TMEM131L: variants seen among roughly 807,000 people sequenced by gnomAD.
The protein encoded by TMEM131L is transmembrane protein 131-like.
Under a neutral mutation model 192.2 loss-of-function variants are expected in TMEM131L, and 54 were observed. That is an observed-to-expected ratio of 0.28 (90% CI 0.23 to 0.35). The LOEUF is 0.35. TMEM131L is among the 10% of genes least tolerant of loss of function. TMEM131L has a pLI of 1.00. For missense variants in TMEM131L, 1,888 were observed against 1,972.9 expected, an observed-to-expected ratio of 0.96 and a Z score of 0.82; for synonymous variants, 701 against 704.9, an observed-to-expected ratio of 0.99 and a Z score of 0.09.
intron 3 of TMEM131L, among the ~76,000 whole-genome samples, chr4:153,502,876 C>T (rs1733710483): frequency 6.6e-6 from 1 of 152,116 alleles, no homozygotes; most frequent in African/African-American, 2.4e-5. Flanking sequence ...ACATTATTAC[C>T]TTCTATTATG....
intron 3 of TMEM131L, among the ~76,000 whole-genome samples, chr4:153,500,200 A>C (rs1561135008): frequency 6.6e-6 from 1 of 152,010 alleles, no homozygotes; most frequent in Non-Finnish European, 1.5e-5. Flanking sequence ...TCCTGGGCTC[A>C]AGCAGTCATC....
rs756378214 is a variant in TMEM131L, at chr4:153,627,633, G to A, written c.4153G>A (p.Glu1385Lys). Residue 1385 changes from glutamate (E) to lysine (K), a missense_variant, in exon 31 of 35, where the codon GAG (glutamate) becomes AAG (lysine). Physicochemically the swap from Glu to Lys is moderately conservative, Grantham distance 56. Coordinates refer to ENST00000409959, the MANE Select transcript of TMEM131L (RefSeq NM_001131007.2). ...MTVNSLPQYA[E>K]PSCPSLPAGP... Reference sequence around the variant, plus strand: ...CGTGAATAGTCTCCCACAATACGCAGAGCCTTCCTGTCCCAGCCTTCCTGC... The same window carrying A: ...CGTGAATAGTCTCCCACAATACGCAAAGCCTTCCTGTCCCAGCCTTCCTGC... 11 of 1,613,944 alleles carry A rather than the reference G, an allele frequency of 6.8e-6. No homozygotes were observed. The highest frequency in any genetic ancestry group is 8.5e-7 in the Non-Finnish European group (1 of 1,179,970).
At chr4:153,574,657 G>A (rs1298443009) in intron 7 of TMEM131L, among the ~76,000 whole-genome samples, 1 of 152,190 alleles carries the variant, frequency 6.6e-6, no homozygotes, top group Non-Finnish European at 1.5e-5. Context: ...GGAGTGCAAT[G>A]GTGCAGTTGC....
chr4:153,603,290 C>G lies in TMEM131L; in HGVS notation c.2640-13C>G. ...AACCATGCAATACTGAACCTTGTTG[C>G]TTTCTTCCTCAGTTTGTCCCTGTTG... is the stretch of plus-strand genomic sequence containing the variant. On this transcript the variant is annotated splice_polypyrimidine_tract_variant and intron_variant, in intron 23 of 34. Transcript: ENST00000409959. 1.2e-6 allele frequency: 2 copies of G among 1,611,218 alleles called. No homozygotes were observed. Among genetic ancestry groups the G allele is most frequent in the South Asian group, 2.2e-5 (2 of 90,604 alleles).
intron 3 of TMEM131L, among the ~76,000 whole-genome samples, chr4:153,513,978 T>G (rs1031418619): frequency 1.3e-5 from 2 of 152,150 alleles, no homozygotes; most frequent in African/African-American, 4.8e-5. Flanking sequence ...TTTAGGAAAA[T>G]CTCAGATAAG....
chr4:153,492,858 A>T (rs1732885267), intron 3 of TMEM131L, among the ~76,000 whole-genome samples: 1 of 152,120 alleles, frequency 6.6e-6, no homozygotes, highest in Non-Finnish European at 1.5e-5. Context: ...GGGGACCAAG[A>T]TGGAGGAGTT....
At position 153,564,898 on chromosome 4, in the gene TMEM131L, C is replaced by T. The variant is rs10010410; in HGVS notation, c.660+6530C>T. ...CCTGGGACCAGCTTCTCCCTCCAGGCTCAGAGCTTCTACCCCTCTTTTCTG... is the reference window on the plus strand; with the variant it reads ...CCTGGGACCAGCTTCTCCCTCCAGGTTCAGAGCTTCTACCCCTCTTTTCTG... On this transcript the variant is annotated intron_variant, in intron 7 of 34. Coordinates refer to ENST00000409959, the MANE Select transcript of TMEM131L (RefSeq NM_001131007.2). Among the ~76,000 whole-genome samples, 302 of 152,350 alleles carry T rather than the reference C, an allele frequency of 2.0e-3. 2 individuals carry two copies. Among genetic ancestry groups the T allele is most frequent in the African/African-American group, 6.9e-3 (285 of 41,580 alleles).
At chr4:153,539,420 G>A (rs1304006023) in intron 3 of TMEM131L, among the ~76,000 whole-genome samples, 2 of 151,798 alleles carry the variant, frequency 1.3e-5, no homozygotes, top group Non-Finnish European at 2.9e-5. Flanking sequence ...TCTGCTGAAT[G>A]GACAGCATGA....
rs1730294365 is a variant in TMEM131L, at chr4:153,580,974, C to T, written c.738+71C>T. On this transcript the variant is annotated intron_variant, in intron 8 of 34. Transcript: ENST00000409959. ...CTTTGCTTAAAAATAAAACACAAGGCTGGGCGCTGTGGCTCATGCCTGTAA... is the reference window on the plus strand; with the variant it reads ...CTTTGCTTAAAAATAAAACACAAGGTTGGGCGCTGTGGCTCATGCCTGTAA... The T allele has an allele frequency of 7.1e-6, 8 of 1,133,070 alleles. No homozygotes were observed. The Admixed American group carries it at 1.5e-4, about 21-fold the overall frequency. 70.2% of individuals were successfully genotyped at this position (1,133,070 alleles called of 1,614,324 possible).
In TMEM131L at chr4:153,605,768, A is replaced by T. The variant is rs190079708; in HGVS notation, c.3418+1338A>T. ...CACTTCTTGATATTGGAGAAGAGGT[A>T]CAGAAATATTATGGATTGACTACTT... On this transcript the variant is annotated intron_variant, in intron 25 of 34. Transcript: ENST00000409959. Among the ~76,000 whole-genome samples, 1,058 of 152,352 alleles carry T rather than the reference A, an allele frequency of 6.9e-3. 7 individuals carry two copies. Among genetic ancestry groups the T allele is most frequent in the South Asian group, 0.022 (104 of 4,828 alleles).
intron 4 of TMEM131L, among the ~76,000 whole-genome samples, chr4:153,554,916 G>T (rs778366586): frequency 6.6e-6 from 1 of 152,234 alleles, no homozygotes. Flanking sequence ...CTTTATCAGA[G>T]CCGAGACATT....
rs1366113261 is a variant in TMEM131L, at chr4:153,586,328, C to T, written c.1431C>T (p.Asn477=). Residue 477 remains asparagine, a synonymous_variant, in exon 14 of 35, where the codon AAC becomes AAT. Transcript: ENST00000409959. ...TCACCAATGTATTTTTGACTACAAA[C>T]ATAGGTGCCATTTTTGCAATACCTC... ...NLFTNVFLTT[N]IGAIFAIPLQ... 8.1e-6 allele frequency: 13 copies of T among 1,604,742 alleles called. No homozygotes were observed. The highest frequency in any genetic ancestry group is 1.1e-5 in the Non-Finnish European group (13 of 1,176,780).
intron 17 of TMEM131L, among the ~76,000 whole-genome samples, chr4:153,591,447 A>C (rs935131184): frequency 1.3e-5 from 2 of 152,236 alleles, no homozygotes; most frequent in African/African-American, 4.8e-5. Flanking sequence ...GAAAATCTTG[A>C]CTAGCTTAAC....
intron 3 of TMEM131L, among the ~76,000 whole-genome samples, chr4:153,498,576 G>C (rs550021173): frequency 6.6e-5 from 10 of 152,308 alleles, no homozygotes; most frequent in African/African-American, 2.2e-4. Context: ...GAAGTGGGGG[G>C]TGAGCAGAGT....
At chr4:153,482,307 A>G (rs960995371) in intron 3 of TMEM131L, among the ~76,000 whole-genome samples, 2 of 145,264 alleles carry the variant, frequency 1.4e-5, no homozygotes, top group African/African-American at 5.1e-5. Context: ...CTGTGCAGCC[A>G]TAACAATGTA....
intron 7 of TMEM131L, among the ~76,000 whole-genome samples, chr4:153,574,855 C>G (rs931599871): frequency 6.6e-6 from 1 of 152,022 alleles, no homozygotes; most frequent in Non-Finnish European, 1.5e-5. Context: ...CCCAAAGTGC[C>G]GAGATTACAG....
At chr4:153,596,415 T>C (rs1356254367) in intron 20 of TMEM131L, 30 bp downstream of exon 20, 1 of 1,610,264 alleles carries the variant, frequency 6.2e-7, no homozygotes, top group Admixed American at 1.7e-5. Flanking sequence ...AGAATCTGTT[T>C]CTTTCTCAAT....
At chr4:153,567,479 TGAA>T (rs1729299194) in intron 7 of TMEM131L, among the ~76,000 whole-genome samples, 2 of 151,996 alleles carry the variant, frequency 1.3e-5, no homozygotes, top group South Asian at 4.1e-4. Context: ...GAGCACCACA[TGAA>T]GGTGAGGTTA....
intron 3 of TMEM131L, among the ~76,000 whole-genome samples, chr4:153,528,642 T>C (rs572407336): frequency 6.6e-6 from 1 of 152,350 alleles, no homozygotes; most frequent in African/African-American, 2.4e-5. Context: ...TGGTCTCTTA[T>C]AGGTTCTCTG....
Sources: gnomAD v4.1 joint callset for allele counts (sites outside exome capture counted in the v4.1 genomes callset) on GRCh38, gnomAD v4.1.1 for gene constraint, MANE v1.5 for transcripts, NCBI Gene and HGNC (gene_info 2026-07-23, HGNC 2026-07-21) for gene names.